The following KIF15 variants were observed in gnomAD, a reference collection of about 807,000 sequenced individuals.
KIF15 encodes the protein kinesin family member 15.
KIF15 carries 140 observed loss-of-function variants against 190.6 expected under a neutral mutation model. That is an observed-to-expected ratio of 0.73 (90% CI 0.64 to 0.84). The LOEUF (loss-of-function observed/expected upper bound fraction) is 0.84. Among genes scored for constraint, KIF15 ranks in the 40% least tolerant of loss-of-function variants. The pLI is 0.00. For missense variants in KIF15, 1,372 were observed against 1,584.4 expected, an observed-to-expected ratio of 0.87 and a Z score of 2.28; for synonymous variants, 528 against 551.3, an observed-to-expected ratio of 0.96 and a Z score of 0.59.
intron 6 of KIF15, chr3:44,861,914 C>A: frequency 1.4e-6 from 2 of 1,475,308 alleles, no homozygotes; most frequent in South Asian, 2.6e-5. Context: ...GGCACGGTGT[C>A]AGCAGGCAAC....
At chr3:44,772,937 G>C (rs901832838) in intron 1 of KIF15, among the ~76,000 whole-genome samples, 1 of 152,092 alleles carries the variant, frequency 6.6e-6, no homozygotes, top group African/African-American at 2.4e-5. Context: ...GGGCTGGTTT[G>C]AACAGTGGAC....
intron 20 of KIF15, among the ~76,000 whole-genome samples, chr3:44,824,923 C>T (rs2125686010): frequency 6.6e-6 from 1 of 152,246 alleles, no homozygotes. Context: ...GTGCACCCAG[C>T]TAATTTTTGT....
intron 6 of KIF15, chr3:44,863,993 A>G (rs1227209726): frequency 3.5e-6 from 2 of 568,744 alleles, no homozygotes; most frequent in African/African-American, 1.9e-5. Context: ...ATCTTCTCTG[A>G]ATTTGCTTTA....
intron 5 of KIF15, among the ~76,000 whole-genome samples, chr3:44,784,038 C>G (rs1706287365): frequency 1.3e-5 from 2 of 152,184 alleles, no homozygotes; most frequent in Non-Finnish European, 2.9e-5. Context: ...GATATTCTTA[C>G]AGTACTTTTC....
intron 1 of KIF15, among the ~76,000 whole-genome samples, chr3:44,772,391 T>C (rs1705682423): frequency 6.6e-6 from 1 of 151,578 alleles, no homozygotes; most frequent in Admixed American, 6.6e-5. Flanking sequence ...TCCCAAGGAG[T>C]CTCAGGCCAT....
At chr3:44,838,180 C>T in intron 26 of KIF15, 95 bp from the exon 27 acceptor site, 1 of 1,315,378 alleles carries the variant, frequency 7.6e-7, no homozygotes, top group South Asian at 1.5e-5. Context: ...TTACATAAAA[C>T]TTCCTTAGTC....
In KIF15 at chr3:44,794,237, G is replaced by T. The variant is rs778582710; in HGVS notation, c.660G>T (p.Arg220Ser). 1 of 1,613,562 alleles carries T rather than the reference G, an allele frequency of 6.2e-7. No individual in the cohort carries two copies. The highest frequency in any genetic ancestry group is 8.5e-7 in the Non-Finnish European group (1 of 1,179,728). ...EAYQVLSGGW[R>S]NRRVASTSMN... The stretch of plus-strand genomic sequence containing the variant: ...CATAGGTGTTGTCTGGAGGATGGAG[G>T]AATAGACGTGTGGCATCAACATCAA... Residue 220 changes from arginine to serine, a missense_variant, in exon 8 of 35, where the codon AGG (arginine) becomes AGT (serine). Arg to Ser is a moderately radical substitution (Grantham distance 110). Transcript: ENST00000326047.
At chr3:44,864,096 G>A in intron 6 of KIF15, 1 of 1,481,790 alleles carries the variant, frequency 6.7e-7, no homozygotes, top group Non-Finnish European at 9.3e-7. Context: ...GAGCTCAGTA[G>A]GAGCCTGGGT....
chr3:44,801,073 T>C (rs944134067), intron 11 of KIF15, among the ~76,000 whole-genome samples: 6 of 151,498 alleles, frequency 4.0e-5, no homozygotes, highest in Non-Finnish European at 8.8e-5. Context: ...AGCAGTGTGA[T>C]CTCAGCTCAC....
At chr3:44,812,352 A>G (rs944215280) in intron 18 of KIF15, 63 bp downstream of exon 18, 1 of 1,170,988 alleles carries the variant, frequency 8.5e-7, no homozygotes, top group Non-Finnish European at 1.3e-6. Context: ...CCTTGAGGAA[A>G]CATCCTCAAG....
At chr3:44,794,570 G>A in intron 8 of KIF15, 144 bp downstream of exon 8, 2 of 574,576 alleles carry the variant, frequency 3.5e-6, no homozygotes, top group Non-Finnish European at 6.1e-6. Context: ...ATACCACATG[G>A]CTTAGGTATG....
chr3:44,852,558 A>G lies in KIF15; in HGVS notation c.4105-115A>G, dbSNP rs938003206. ...TTCTTGTTTAACGTTTAGTTTGCAC[A>G]TTGAAAATTCCAGTCTTAATTTGAA... On this transcript the variant is annotated intron_variant, in intron 34 of 34. Transcript: ENST00000326047. The G allele has an allele frequency of 1.6e-5, 14 of 874,658 alleles. No homozygotes were observed. The African/African-American group carries it at 2.1e-4, about 13-fold the overall frequency. 54.2% of individuals were successfully genotyped at this position (874,658 alleles called of 1,614,324 possible). A position where few individuals can be genotyped will look rare whatever the true frequency, so the allele number is the denominator to read the frequency against.
At chr3:44,860,577 T>C (rs1274858887) in intron 6 of KIF15, among the ~76,000 whole-genome samples, 1 of 152,196 alleles carries the variant, frequency 6.6e-6, no homozygotes, top group Non-Finnish European at 1.5e-5. Context: ...TTCACCATCT[T>C]GACCAATCTG....
At chr3:44,840,954 G>A in intron 28 of KIF15, 120 bp from the exon 29 acceptor site, 1 of 957,942 alleles carries the variant, frequency 1.0e-6, no homozygotes, top group Non-Finnish European at 1.6e-6. Context: ...GATTACAGGT[G>A]TGAGCCACCA....
At chr3:44,812,069 G>A in intron 17 of KIF15, 113 bp from the exon 18 acceptor site, 1 of 741,510 alleles carries the variant, frequency 1.3e-6, no homozygotes, top group East Asian at 2.6e-5. Context: ...GTTCATATGA[G>A]GTTTTGAATT....
chr3:44,778,068 A>G (rs1357696832), intron 3 of KIF15, 47 bp from the exon 4 acceptor site: 2 of 1,522,286 alleles, frequency 1.3e-6, no homozygotes, highest in Admixed American at 1.7e-5. Context: ...TTTAGGAAAA[A>G]TGTTTTCATT....
At chr3:44,763,982 C>A (rs929275747) in intron 1 of KIF15, among the ~76,000 whole-genome samples, 1 of 152,326 alleles carries the variant, frequency 6.6e-6, no homozygotes, top group African/African-American at 2.4e-5. Flanking sequence ...GCCACTGCAC[C>A]TGGCCTAAGA....
chr3:44,854,795 G>T (rs1025945709), downstream of KIF15, among the ~76,000 whole-genome samples: 1 of 152,142 alleles, frequency 6.6e-6, no homozygotes, highest in Non-Finnish European at 1.5e-5. Flanking sequence ...CTTAGCTTCT[G>T]GTGTTGTCAG....
At chr3:44,790,338 C>T (rs1055708330) in intron 7 of KIF15, among the ~76,000 whole-genome samples, 5 of 152,066 alleles carry the variant, frequency 3.3e-5, no homozygotes, top group Admixed American at 1.3e-4. Flanking sequence ...CCACCACACC[C>T]GGCTAAATTT....
Sources: allele counts gnomAD v4.1 joint callset (sites outside exome capture counted in the v4.1 genomes callset), GRCh38; gene constraint gnomAD v4.1.1; transcripts MANE v1.5; gene names NCBI Gene and HGNC (gene_info 2026-07-23, HGNC 2026-07-21).